The following VWA8 variants were observed in gnomAD, a reference collection of about 807,000 sequenced individuals.
VWA8 encodes von Willebrand factor A domain containing 8.
A neutral mutation model predicts 241.5 loss-of-function variants in VWA8; 221 were observed. The observed-to-expected ratio is 0.91, with a 90% CI of 0.82 to 1.02. The LOEUF (loss-of-function observed/expected upper bound fraction) is 1.02, where lower values mean the gene tolerates loss of function less well. Among genes scored for constraint, VWA8 ranks in the 50% least tolerant of loss-of-function variants. VWA8 has a pLI of 0.00. For missense variants in VWA8, 2,322 were observed against 2,328.7 expected (o/e 1.00, Z 0.06); for synonymous variants, 852 against 827.1 (o/e 1.03, Z -0.52).
intron 9 of VWA8, among the ~76,000 whole-genome samples, chr13:41,869,287 G>A (rs745678611): frequency 3.9e-5 from 6 of 152,032 alleles, no homozygotes; most frequent in Admixed American, 1.3e-4. Context: ...CACAGCATAT[G>A]GTACAGTGCT....
intron 37 of VWA8, among the ~76,000 whole-genome samples, chr13:41,655,164 A>C (rs1231882985): frequency 2.0e-5 from 3 of 149,530 alleles, no homozygotes; most frequent in Admixed American, 6.7e-5. Context: ...CTCTTGGCTC[A>C]CTGCAACCTC....
At chr13:41,692,136 T>C (rs2045182435) in intron 30 of VWA8, among the ~76,000 whole-genome samples, 198 bp from the exon 31 acceptor site, 1 of 152,074 alleles carries the variant, frequency 6.6e-6, no homozygotes. Flanking sequence ...ACTGTGAACT[T>C]TGTACTAAAG....
chr13:41,721,261 G>C (rs893969645), intron 25 of VWA8, 109 bp downstream of exon 25: 9 of 1,081,804 alleles, frequency 8.3e-6, no homozygotes, highest in Non-Finnish European at 1.1e-5. Flanking sequence ...CATGTAATCT[G>C]ACTCATTATT....
At chr13:41,655,225 G>A (rs1373307580) in intron 37 of VWA8, among the ~76,000 whole-genome samples, 1 of 152,012 alleles carries the variant, frequency 6.6e-6, no homozygotes, top group African/African-American at 2.4e-5. Flanking sequence ...TAGTAGCTGG[G>A]ATTACAGGCA....
chr13:41,690,294 T>G lies in VWA8; in HGVS notation c.3867-19A>C. On this transcript the variant is annotated intron_variant, in intron 32 of 44. Coordinates refer to ENST00000379310, the MANE Select transcript of VWA8 (RefSeq NM_015058.2). ...ATATTTCCTGCAAACAAACAAAACATCTAGCTTAAGTGAAATTTTTCTTTT... is the reference window on the plus strand; with the variant it reads ...ATATTTCCTGCAAACAAACAAAACAGCTAGCTTAAGTGAAATTTTTCTTTT... 2 of 1,593,850 alleles carry G rather than the reference T, an allele frequency of 1.3e-6. No individual in the cohort carries two copies. Among genetic ancestry groups the G allele is most frequent in the Non-Finnish European group, 1.7e-6 (2 of 1,170,198 alleles).
intron 17 of VWA8, among the ~76,000 whole-genome samples, chr13:41,803,378 G>A (rs1039352933): frequency 2.0e-5 from 3 of 152,148 alleles, no homozygotes; most frequent in African/African-American, 7.2e-5. Flanking sequence ...GACTGTATTA[G>A]TCCATTTTCA....
chr13:41,846,865 C>T (rs892389849), intron 12 of VWA8, among the ~76,000 whole-genome samples: 5 of 151,980 alleles, frequency 3.3e-5, no homozygotes, highest in African/African-American at 1.2e-4. Flanking sequence ...GGTGAAACCC[C>T]ATCTCTACTA....
At chr13:41,858,268 A>T (rs995293938) in intron 12 of VWA8, among the ~76,000 whole-genome samples, 2 of 152,236 alleles carry the variant, frequency 1.3e-5, no homozygotes, top group Non-Finnish European at 2.9e-5. Context: ...TAAATTTAAA[A>T]TATTCTACAT....
Position 41,586,655 on chromosome 13 carries a change from CA to C in VWA8, c.5271+856del, listed in dbSNP as rs547937167. ...TTGCCTACCTCATAACACAGAGACACAACTCAGGGAAGCAATCCTGGGGTGC... is the reference window on the plus strand; with the variant it reads ...TTGCCTACCTCATAACACAGAGACACACTCAGGGAAGCAATCCTGGGGTGC... On this transcript the variant is annotated intron_variant, in intron 42 of 44. Coordinates refer to ENST00000379310, the MANE Select transcript of VWA8 (RefSeq NM_015058.2). 3.4e-4 allele frequency among the ~76,000 whole-genome samples: 52 copies of C among 152,262 alleles called. 1 individual carries two copies. In the South Asian group the frequency reaches 0.011, roughly 31 times the overall value.
At chr13:41,720,869 A>G (rs564588176) in intron 25 of VWA8, among the ~76,000 whole-genome samples, 1 of 152,266 alleles carries the variant, frequency 6.6e-6, no homozygotes, top group South Asian at 2.1e-4. Context: ...ACTAAGGTGG[A>G]GTACACATTG....
intron 40 of VWA8, among the ~76,000 whole-genome samples, chr13:41,604,566 A>G (rs993755516): frequency 1.1e-4 from 16 of 152,136 alleles, no homozygotes; most frequent in African/African-American, 3.9e-4. Flanking sequence ...CAGAAGGACA[A>G]TTACAAATAA....
chr13:41,959,896 C>A (rs1210657792), intron 1 of VWA8, among the ~76,000 whole-genome samples: 3 of 152,164 alleles, frequency 2.0e-5, no homozygotes, highest in Middle Eastern at 3.2e-3. Flanking sequence ...GCGTGAGCCA[C>A]CGCGCCCGGC....
At chr13:41,579,569 A>AC (rs2044369950) in intron 42 of VWA8, among the ~76,000 whole-genome samples, 1 of 152,228 alleles carries the variant, frequency 6.6e-6, no homozygotes, top group Non-Finnish European at 1.5e-5. Context: ...TATGCTTGTT[A>AC]ATCACTTAAC....
At chr13:41,571,334 C>CTCTCCCGTCTCCCTCTCCCT (rs374198969) in intron 43 of VWA8, among the ~76,000 whole-genome samples, 1 of 138,916 alleles carries the variant, frequency 7.2e-6, no homozygotes. Flanking sequence ...TCCCGTCTCC[C>CTCTCCCGTCTCCCTCTCCCT]TCTCCCTCTC....
At chr13:41,654,590 C>T (rs1414784758) in intron 37 of VWA8, among the ~76,000 whole-genome samples, 1 of 152,244 alleles carries the variant, frequency 6.6e-6, no homozygotes, top group African/African-American at 2.4e-5. Flanking sequence ...GAATCTACTG[C>T]TGCTGGCGAG....
intron 28 of VWA8, among the ~76,000 whole-genome samples, chr13:41,700,620 GCAGTT>G (rs1193454613): frequency 6.6e-6 from 1 of 152,158 alleles, no homozygotes; most frequent in Non-Finnish European, 1.5e-5. Context: ...GGCATTAAAT[GCAGTT>G]CAGTCTTTGT....
At chr13:41,805,821 A>C (rs1052535509) in intron 17 of VWA8, among the ~76,000 whole-genome samples, 1 of 152,070 alleles carries the variant, frequency 6.6e-6, no homozygotes, top group African/African-American at 2.4e-5. Context: ...TCTCAAAAAA[A>C]AAGAAAAAGA....
intron 17 of VWA8, among the ~76,000 whole-genome samples, chr13:41,800,055 T>C (rs1222876373): frequency 6.6e-6 from 1 of 152,214 alleles, no homozygotes; most frequent in Non-Finnish European, 1.5e-5. Flanking sequence ...GTCCTATGTA[T>C]CTGGCTTCTT....
At chr13:41,601,043 G>A (rs114606357) in intron 40 of VWA8, among the ~76,000 whole-genome samples, 20 of 152,236 alleles carry the variant, frequency 1.3e-4, no homozygotes, top group African/African-American at 4.1e-4. Context: ...TCATGCCTGA[G>A]ACCACACAGT....
Sources: allele counts gnomAD v4.1 joint callset (sites outside exome capture counted in the v4.1 genomes callset), GRCh38; gene constraint gnomAD v4.1.1; transcripts MANE v1.5; gene names NCBI Gene and HGNC (gene_info 2026-07-23, HGNC 2026-07-21).